The following IL3RA variants were observed in gnomAD, a reference collection of about 807,000 sequenced individuals.
IL3RA encodes interleukin 3 receptor subunit alpha, also known as interleukin-3 receptor subunit alpha.
Under a neutral mutation model 52.3 loss-of-function variants are expected in IL3RA, and 73 were observed. The observed-to-expected ratio is 1.40, with a 90% CI of 1.16 to 1.70. IL3RA has a LOEUF of 1.70. Among genes scored for constraint, IL3RA ranks in the 40% most tolerant of loss-of-function variants. IL3RA has a pLI of 0.00. For missense variants in IL3RA, 664 were observed against 504.4 expected, an observed-to-expected ratio of 1.32 and a Z score of -3.03; for synonymous variants, 260 against 194.0, an observed-to-expected ratio of 1.34 and a Z score of -2.83.
In IL3RA at chrX:1,347,495, A is replaced by G. The variant is rs372917624; in HGVS notation, c.184-936A>G. On this transcript the variant is annotated intron_variant, in intron 3 of 11. Transcript: ENST00000331035. ...AAACGAAGAATATACAAGTAGATTA[A>G]TGAAATGTGGCCGGGTGCGGTGGTG... is the stretch of plus-strand genomic sequence containing the variant. Among the ~76,000 whole-genome samples the G allele has an allele frequency of 9.2e-5, 14 of 151,822 alleles. No individual in the cohort carries two copies. In the East Asian group the frequency reaches 1.9e-3, roughly 21 times the overall value.
intron 1 of IL3RA, among the ~76,000 whole-genome samples, chrX:1,340,076 G>A (rs1603442506): frequency 1.3e-5 from 2 of 151,940 alleles, no homozygotes; most frequent in African/African-American, 2.4e-5. Flanking sequence ...AGCCAAGAAC[G>A]GGCTAAACCC....
At chrX:1,348,666 CTTTCTTT>C in intron 4 of IL3RA, 121 bp downstream of exon 4, 1 of 451,406 alleles carries the variant, frequency 2.2e-6, no homozygotes, top group Non-Finnish European at 3.8e-6. Context: ...TTCTTTCTTT[CTTTCTTT>C]CTTTCTTTCT....
At chrX:1,360,003 C>A (rs1350220314) in intron 8 of IL3RA, among the ~76,000 whole-genome samples, 3 of 150,106 alleles carry the variant, frequency 2.0e-5, no homozygotes, top group Admixed American at 1.3e-4. Context: ...TTCTCTCTCT[C>A]CCCCGGTCTC....
Position 1,350,653 on chromosome X carries a change from G to C in IL3RA, c.299-1447G>C, listed in dbSNP as rs747586874. 1.4e-3 allele frequency among the ~76,000 whole-genome samples: 209 copies of C among 149,554 alleles called. 14 individuals are homozygous for C. Among genetic ancestry groups the C allele is most frequent in the African/African-American group, 5.0e-3 (204 of 40,462 alleles). ...CCAGTGGCTCACACCTGTAATCCCA[G>C]CACTTTGGGAGGCCGAGGTGGGTGG... On this transcript the variant is annotated intron_variant, in intron 4 of 11. Coordinates refer to ENST00000331035, the MANE Select transcript of IL3RA (RefSeq NM_002183.4).
At chrX:1,347,653 C>G (rs1330404307) in intron 3 of IL3RA, among the ~76,000 whole-genome samples, 1 of 150,942 alleles carries the variant, frequency 6.6e-6, no homozygotes, top group Admixed American at 6.6e-5. Context: ...AACAAACAAA[C>G]AAGAAAAAAA....
rs186172008 is a variant in IL3RA, at chrX:1,360,605, G to A, written c.759+1718G>A. Among the ~76,000 whole-genome samples, 487 of 151,890 alleles carry A rather than the reference G, an allele frequency of 3.2e-3. 2 individuals carry two copies. Among genetic ancestry groups the A allele is most frequent in the Middle Eastern group, 3.4e-3 (1 of 292 alleles). ...ACGATCTCGGCTCACTGCAACCTCCGCCTCCCAGGTTCAAGCGAATCTACT... is the reference window on the plus strand; with the variant it reads ...ACGATCTCGGCTCACTGCAACCTCCACCTCCCAGGTTCAAGCGAATCTACT... On this transcript the variant is annotated intron_variant, in intron 8 of 11. Coordinates refer to ENST00000331035, the MANE Select transcript of IL3RA (RefSeq NM_002183.4).
chrX:1,349,208 G>C (rs368143814), intron 4 of IL3RA, among the ~76,000 whole-genome samples: 1 of 145,920 alleles, frequency 6.9e-6, no homozygotes, highest in East Asian at 2.0e-4. Context: ...TTTAGACAGA[G>C]TCTCACTCTG....
rs2085614239 is a variant in IL3RA at position 1,344,006 on chromosome X, G to A, written c.65-1310G>A. 2.0e-5 allele frequency among the ~76,000 whole-genome samples: 3 copies of A among 151,908 alleles called. No homozygotes were observed. In the South Asian group the frequency reaches 6.2e-4, roughly 32 times the overall value. ...CGACGGGGTTTCACCGTGTTAGCCAGGATGGTCTTGATCACTTGACCTGGT... is the reference window on the plus strand; with the variant it reads ...CGACGGGGTTTCACCGTGTTAGCCAAGATGGTCTTGATCACTTGACCTGGT... On this transcript the variant is annotated intron_variant, in intron 2 of 11. Transcript: ENST00000331035.
Position 1,345,375 on chromosome X carries a change from G to T in IL3RA, c.124G>T (p.Asp42Tyr). 6.2e-7 allele frequency: 1 copy of T among 1,611,220 alleles called. No individual in the cohort carries two copies. Among genetic ancestry groups the T allele is most frequent in the African/African-American group, 1.3e-5 (1 of 74,746 alleles). The change falls in exon 3 of 12, where the codon GAC becomes TAC. Residue 42 changes from aspartate to tyrosine, a missense_variant. By Grantham distance (160) the Asp-to-Tyr change is radical (BLOSUM62 -3). Coordinates refer to ENST00000331035, the MANE Select transcript of IL3RA (RefSeq NM_002183.4). ...MKAKAQQLTW[D>Y]LNRNVTDIEC... The stretch of plus-strand genomic sequence containing the variant: ...AGCAAAGGCTCAGCAGTTGACCTGG[G>T]ACCTTAACAGAAATGTGACCGATAT...
At chrX:1,368,119 C>T (rs1235232092) in intron 9 of IL3RA, among the ~76,000 whole-genome samples, 10 of 152,066 alleles carry the variant, frequency 6.6e-5, no homozygotes, top group African/African-American at 2.2e-4. Flanking sequence ...ATTAGCCAGG[C>T]GTGGTGATGG....
At position 1,367,566 on chromosome X, in the gene IL3RA, C is replaced by T. The variant is rs1425072455; in HGVS notation, c.874+2314C>T. The stretch of plus-strand genomic sequence containing the variant: ...CGTGAGCCGGGTGCGCGGGGTGCGC[C>T]GGGTGCGCGGGGTGAGCGGGGTGAG... On this transcript the variant is annotated intron_variant, in intron 9 of 11. Transcript: ENST00000331035. Among the ~76,000 whole-genome samples the T allele has an allele frequency of 6.0e-5, 3 of 49,650 alleles. No homozygotes were observed. In the South Asian group the frequency reaches 2.2e-3, roughly 36 times the overall value. 32.6% of individuals were successfully genotyped at this position (49,650 alleles called of 152,430 possible). A position where few individuals can be genotyped will look rare whatever the true frequency, so the allele number is the denominator to read the frequency against.
intron 9 of IL3RA, among the ~76,000 whole-genome samples, chrX:1,378,193 A>AAAAAG (rs1569528258): frequency 1.3e-5 from 2 of 149,904 alleles, no homozygotes; most frequent in African/African-American, 5.0e-5. Flanking sequence ...AAAAAAAAAA[A>AAAAAG]AAAAAGAAAA....
chrX:1,364,468 G>A (rs1228606870), intron 8 of IL3RA, among the ~76,000 whole-genome samples: 2 of 152,126 alleles, frequency 1.3e-5, no homozygotes, highest in Non-Finnish European at 2.9e-5. Context: ...TCCAGCCTGG[G>A]CAACAAGAGT....
At position 1,346,233 on chromosome X, in the gene IL3RA, G is replaced by A. The variant is rs146157500; in HGVS notation, c.183+799G>A. On this transcript the variant is annotated intron_variant, in intron 3 of 11. Coordinates refer to ENST00000331035, the MANE Select transcript of IL3RA (RefSeq NM_002183.4). ...GCGGATGGATCACCTGGGGCCAGGA[G>A]TTCGAGACTAGTCTGGGCAACATGG... Among the ~76,000 whole-genome samples the A allele has an allele frequency of 8.8e-3, 1,342 of 152,026 alleles. 57 individuals carry two copies. Among genetic ancestry groups the A allele is most frequent in the Admixed American group, 0.064 (970 of 15,260 alleles).
intron 3 of IL3RA, 99 bp from the exon 4 acceptor site, chrX:1,348,332 G>T: frequency 1.1e-6 from 1 of 918,364 alleles, no homozygotes; most frequent in South Asian, 1.4e-5. Context: ...CAGCGTGGGC[G>T]ACGAGAGCGA....
chrX:1,370,823 A>G (rs1348293461), intron 9 of IL3RA, among the ~76,000 whole-genome samples: 3 of 73,782 alleles, frequency 4.1e-5, no homozygotes, highest in Non-Finnish European at 4.9e-5. Flanking sequence ...AGAAGACGGC[A>G]TCTCCAAGCC....
At chrX:1,363,474 G>A (rs1381218964) in intron 8 of IL3RA, among the ~76,000 whole-genome samples, 2 of 151,586 alleles carry the variant, frequency 1.3e-5, no homozygotes, top group Non-Finnish European at 2.9e-5. Context: ...CTAATTTTTT[G>A]TATTTTTAGT....
chrX:1,381,252 G>A (rs1173849336), intron 11 of IL3RA, 148 bp downstream of exon 11: 1 of 737,834 alleles, frequency 1.4e-6, no homozygotes, highest in Non-Finnish European at 2.4e-6. Flanking sequence ...TACAAAATTA[G>A]CCGGGTGTGG....
At chrX:1,351,164 G>A (rs1303657206) in intron 4 of IL3RA, among the ~76,000 whole-genome samples, 5 of 152,002 alleles carry the variant, frequency 3.3e-5, no homozygotes, top group Non-Finnish European at 5.9e-5. Flanking sequence ...CCGAGATGGC[G>A]CCATTGTACT....
Sources: allele counts gnomAD v4.1 joint callset (sites outside exome capture counted in the v4.1 genomes callset), GRCh38; gene constraint gnomAD v4.1.1; transcripts MANE v1.5; gene names NCBI Gene and HGNC (gene_info 2026-07-23, HGNC 2026-07-21).